Variants in NIPA1 observed in about 807,000 individuals in gnomAD.
NIPA1 encodes magnesium transporter NIPA1.
In NIPA1, 13 loss-of-function variants were observed where a neutral mutation model predicts 23.9. The observed-to-expected ratio is 0.54, with a 90% CI of 0.35 to 0.87. The LOEUF (loss-of-function observed/expected upper bound fraction) is 0.87, where lower values mean the gene tolerates loss of function less well. NIPA1 is among the 40% of genes least tolerant of loss of function. NIPA1 has a pLI of 0.01. For missense variants in NIPA1, 362 were observed against 429.7 expected, an observed-to-expected ratio of 0.84 and a Z score of 1.39; for synonymous variants, 234 against 202.9, an observed-to-expected ratio of 1.15 and a Z score of -1.30.
chr15:22,787,129 G>A (rs896505792), intron 1 of NIPA1, among the ~76,000 whole-genome samples: 5 of 152,110 alleles, frequency 3.3e-5, no homozygotes, highest in Admixed American at 6.5e-5. Context: ...TTGCTTTGGT[G>A]TGCGGGCTTC....
At chr15:22,816,534 C>G (rs1895424128) in intron 3 of NIPA1, among the ~76,000 whole-genome samples, 1 of 126,430 alleles carries the variant, frequency 7.9e-6, no homozygotes, top group Admixed American at 8.9e-5. Flanking sequence ...CTCTGTCACC[C>G]AGGCTGGAGT....
intron 1 of NIPA1, among the ~76,000 whole-genome samples, chr15:22,807,411 A>G (rs1404781440): frequency 2.0e-5 from 3 of 152,092 alleles, no homozygotes; most frequent in Admixed American, 2.0e-4. Context: ...CGTCCTGACC[A>G]AACCATGTTC....
intron 3 of NIPA1, among the ~76,000 whole-genome samples, chr15:22,817,595 G>T (rs543342565): frequency 2.8e-4 from 42 of 150,444 alleles, no homozygotes; most frequent in Admixed American, 2.6e-3. Context: ...GAGGTCAGGA[G>T]ATCAAGACCA....
chr15:22,794,216 A>C (rs910858883), intron 1 of NIPA1, among the ~76,000 whole-genome samples: 1 of 151,994 alleles, frequency 6.6e-6, no homozygotes, highest in Admixed American at 6.6e-5. Context: ...CACATGCTGC[A>C]ACATGGAGGA....
At chr15:22,811,192 G>A (rs1895308147) in intron 2 of NIPA1, 1 of 254,222 alleles carries the variant, frequency 3.9e-6, no homozygotes, top group Non-Finnish European at 7.7e-6. Context: ...AGCACAGTTG[G>A]TTTAACAGAG....
In NIPA1 at chr15:22,810,626, G is replaced by A. The variant is rs1895298891; in HGVS notation, c.179-123G>A. The A allele has an allele frequency of 8.5e-6, 6 of 705,518 alleles. No homozygotes were observed. The South Asian group carries it at 8.9e-5, about 10-fold the overall frequency. The allele number at this position is 705,518 out of a possible 1,614,324, so 43.7% of individuals were successfully genotyped here. A position where few individuals can be genotyped will look rare whatever the true frequency, so the allele number is the denominator to read the frequency against. On this transcript the variant is annotated intron_variant, in intron 1 of 4. Coordinates refer to ENST00000337435, the MANE Select transcript of NIPA1 (RefSeq NM_144599.5). The stretch of plus-strand genomic sequence containing the variant: ...AGATTCTCTTTAGGGTGAATAAACA[G>A]TATGACATTCATTCTTTTCAATTTT...
At chr15:22,820,739 C>A (rs1181901736) in intron 4 of NIPA1, among the ~76,000 whole-genome samples, 1 of 152,084 alleles carries the variant, frequency 6.6e-6, no homozygotes, top group African/African-American at 2.4e-5. Context: ...TCTTCTGGGG[C>A]CTTGTGCATG....
At chr15:22,813,940 C>G in intron 3 of NIPA1, 2 of 417,388 alleles carry the variant, frequency 4.8e-6, no homozygotes, top group South Asian at 3.4e-5. Context: ...AGATAAACAA[C>G]CTGACCTGGT....
rs539468027 is a variant in NIPA1 at position 22,812,972 on chromosome 15, C to T, written c.317+719C>T. ...GGATGCCGGACAGTCCCCACCTCAG[C>T]CCAGGAAATTACAGAGGTTGGGATG... On this transcript the variant is annotated intron_variant, in intron 3 of 4. Coordinates refer to ENST00000337435, the MANE Select transcript of NIPA1 (RefSeq NM_144599.5). Among the ~76,000 whole-genome samples, 17 of 152,248 alleles carry T rather than the reference C, an allele frequency of 1.1e-4. 1 individual carries two copies. In the South Asian group the frequency reaches 3.5e-3, roughly 32 times the overall value.
intron 4 of NIPA1, among the ~76,000 whole-genome samples, chr15:22,821,249 G>A (rs1029213217): frequency 1.3e-5 from 2 of 152,162 alleles, no homozygotes; most frequent in African/African-American, 4.8e-5. Flanking sequence ...ACAGGCGTGA[G>A]CCACCATGCC....
chr15:22,797,328 G>T, intron 1 of NIPA1, among the ~76,000 whole-genome samples: 1 of 152,054 alleles, frequency 6.6e-6, no homozygotes. Flanking sequence ...TCCTGCCTCA[G>T]CCTCCCAAGT....
chr15:22,824,324 T>C lies in NIPA1; in HGVS notation c.*85T>C. 1 of 1,149,922 alleles carries C rather than the reference T, an allele frequency of 8.7e-7. No individual in the cohort carries two copies. The highest frequency in any genetic ancestry group is 2.3e-5 in the East Asian group (1 of 42,770). The allele number at this position is 1,149,922 out of a possible 1,614,324, so 71.2% of individuals were successfully genotyped here. A position where few individuals can be genotyped will look rare whatever the true frequency, so the allele number is the denominator to read the frequency against. On this transcript the variant is annotated 3_prime_UTR_variant, in exon 5 of 5. Transcript: ENST00000337435. This position sits in a 1 kb window ranked among gnomAD's most constrained non-coding sequence, Gnocchi z 4.1. ...ATTGGATGTGAAGTAGAAGAGGTCC[T>C]CGATCATGGTGTTAGAATTGACTGG...
At chr15:22,809,355 C>G (rs1368474194) in intron 1 of NIPA1, among the ~76,000 whole-genome samples, 1 of 151,888 alleles carries the variant, frequency 6.6e-6, no homozygotes, top group South Asian at 2.1e-4. Context: ...CCACTGCACT[C>G]CAGCCTCAGC....
At chr15:22,793,590 G>A (rs989694672) in intron 1 of NIPA1, among the ~76,000 whole-genome samples, 4 of 151,674 alleles carry the variant, frequency 2.6e-5, no homozygotes, top group Non-Finnish European at 4.4e-5. Context: ...ACAGGTGTCC[G>A]CCACCATGCC....
chr15:22,800,960 G>T (rs1249605748), intron 1 of NIPA1, among the ~76,000 whole-genome samples: 5 of 145,342 alleles, frequency 3.4e-5, no homozygotes, highest in Non-Finnish European at 7.5e-5. Context: ...AAAAAAATTA[G>T]CCTGGTGTGA....
chr15:22,808,748 C>T (rs1895263208), intron 1 of NIPA1, among the ~76,000 whole-genome samples: 1 of 143,008 alleles, frequency 7.0e-6, no homozygotes, highest in African/African-American at 2.6e-5. Context: ...TGGCTAACTG[C>T]AGCCTCATCC....
intron 4 of NIPA1, 71 bp from the exon 5 acceptor site, chr15:22,823,656 GC>G: frequency 6.7e-7 from 1 of 1,496,474 alleles, no homozygotes. Flanking sequence ...CCCGGGTGCT[GC>G]CCCAGTCCAC....
chr15:22,786,736 C>T lies in NIPA1; in HGVS notation c.80C>T (p.Ala27Val), dbSNP rs1222052353. Residue 27 changes from alanine (A) to valine (V), a missense_variant, in exon 1 of 5, where the codon GCC (alanine) becomes GTC (valine). Transcript: ENST00000337435. Reference protein sequence around the residue: ...GEGARSPSPAAVSLGLGVAVV... With the variant: ...GEGARSPSPAVVSLGLGVAVV... ...GGGGCGCGTAGCCCGAGCCCCGCCG[C>T]CGTGTCGCTCGGCCTGGGCGTGGCC... The T allele has an allele frequency of 1.6e-6, 2 of 1,267,238 alleles. No individual in the cohort carries two copies. Among genetic ancestry groups the T allele is most frequent in the African/African-American group, 1.6e-5 (1 of 64,232 alleles). 78.5% of individuals were successfully genotyped at this position (1,267,238 alleles called of 1,614,324 possible).
At chr15:22,808,461 C>T (rs954460291) in intron 1 of NIPA1, among the ~76,000 whole-genome samples, 3 of 152,176 alleles carry the variant, frequency 2.0e-5, no homozygotes, top group Admixed American at 2.0e-4. Context: ...TGGGAGACAG[C>T]CACAGCAGGC....
Sources: allele counts gnomAD v4.1 joint callset (sites outside exome capture counted in the v4.1 genomes callset), GRCh38; gene constraint gnomAD v4.1.1; non-coding constraint Gnocchi (gnomAD v3.1); transcripts MANE v1.5; gene names NCBI Gene and HGNC (gene_info 2026-07-23, HGNC 2026-07-21).